SPAG16: variants seen among roughly 807,000 people sequenced by gnomAD.
SPAG16 encodes the protein sperm-associated antigen 16 protein.
Under a neutral mutation model 80.4 loss-of-function variants are expected in SPAG16, and 86 were observed. That is an observed-to-expected ratio of 1.07 (90% CI 0.90 to 1.28). SPAG16 has a LOEUF of 1.28. Among genes scored for constraint, SPAG16 ranks in the 50% most tolerant of loss-of-function variants. The pLI is 0.00. For synonymous variants in SPAG16, 294 were observed against 265.9 expected, an observed-to-expected ratio of 1.11 and a Z score of -1.03; for missense variants, 870 against 765.3, an observed-to-expected ratio of 1.14 and a Z score of -1.61.
intron 15 of SPAG16, among the ~76,000 whole-genome samples, chr2:214,252,299 A>T (rs1450859938): frequency 1.3e-5 from 2 of 151,526 alleles, no homozygotes; most frequent in South Asian, 4.2e-4. Flanking sequence ...TTTTATTTTA[A>T]TTTTTTATTA....
chr2:214,258,490 T>TATATATATATAC (rs771803590), intron 15 of SPAG16, among the ~76,000 whole-genome samples: 4 of 147,392 alleles, frequency 2.7e-5, no homozygotes, highest in Non-Finnish European at 6.0e-5. Context: ...TATATATATA[T>TATATATATATAC]ACACACACAC....
chr2:214,288,797 C>T (rs1693577829), intron 15 of SPAG16, among the ~76,000 whole-genome samples: 1 of 36,076 alleles, frequency 2.8e-5, no homozygotes, highest in Admixed American at 2.8e-4. Context: ...GAGACGTTGT[C>T]TCGCTCTGTC....
At chr2:213,928,122 G>A (rs2078572762) in intron 11 of SPAG16, among the ~76,000 whole-genome samples, 1 of 152,054 alleles carries the variant, frequency 6.6e-6, no homozygotes, top group South Asian at 2.1e-4. Flanking sequence ...TGGAGTCGCA[G>A]TCCCCCAGGC....
In SPAG16 at chr2:214,151,152, T is replaced by A. The variant is rs143026872; in HGVS notation, c.1720+1886T>A. On this transcript the variant is annotated intron_variant, in intron 15 of 15. Transcript: ENST00000331683. ...TAGTTCCATGTGTGTGAGAAATTACTGTCATAAGGATTTTCTCATTGAATA... is the reference window on the plus strand; with the variant it reads ...TAGTTCCATGTGTGTGAGAAATTACAGTCATAAGGATTTTCTCATTGAATA... Among the ~76,000 whole-genome samples, 481 of 152,252 alleles carry A rather than the reference T, an allele frequency of 3.2e-3. 2 individuals are homozygous for A. Among genetic ancestry groups the A allele is most frequent in the African/African-American group, 0.011 (451 of 41,580 alleles).
At chr2:214,143,027 A>G (rs2055441565) in intron 14 of SPAG16, among the ~76,000 whole-genome samples, 1 of 152,056 alleles carries the variant, frequency 6.6e-6, no homozygotes, top group South Asian at 2.1e-4. Context: ...CAAACTCTTC[A>G]AGGCCTCATA....
At chr2:213,698,251 A>T (rs2065245458) in intron 10 of SPAG16, among the ~76,000 whole-genome samples, 1 of 151,822 alleles carries the variant, frequency 6.6e-6, no homozygotes, top group Non-Finnish European at 1.5e-5. Context: ...TTTTAAATTT[A>T]TTATTATTAT....
At chr2:214,145,677 T>C (rs1425475384) in intron 14 of SPAG16, among the ~76,000 whole-genome samples, 1 of 152,210 alleles carries the variant, frequency 6.6e-6, no homozygotes, top group Non-Finnish European at 1.5e-5. Context: ...TCATCTCAGC[T>C]GTACCCTTTG....
intron 15 of SPAG16, among the ~76,000 whole-genome samples, chr2:214,362,937 T>C (rs1699270333): frequency 6.6e-6 from 1 of 151,896 alleles, no homozygotes; most frequent in Non-Finnish European, 1.5e-5. Flanking sequence ...TTTTGTCATT[T>C]CCATCTCTAA....
intron 15 of SPAG16, among the ~76,000 whole-genome samples, chr2:214,209,333 A>T (rs1233092512): frequency 6.6e-6 from 1 of 152,144 alleles, no homozygotes; most frequent in Non-Finnish European, 1.5e-5. Context: ...GAGAAATGGG[A>T]ATTTTGCTTG....
chr2:214,304,204 G>A (rs1190861769), intron 15 of SPAG16, among the ~76,000 whole-genome samples: 1 of 152,138 alleles, frequency 6.6e-6, no homozygotes, highest in African/African-American at 2.4e-5. Context: ...CTTTGTTATT[G>A]TTGGGAACAG....
At chr2:213,743,061 G>A (rs1202496393) in intron 10 of SPAG16, among the ~76,000 whole-genome samples, 3 of 148,578 alleles carry the variant, frequency 2.0e-5, no homozygotes, top group Non-Finnish European at 3.0e-5. Flanking sequence ...CCGCCACCAC[G>A]CCCGGCTAAT....
chr2:213,625,441 G>A (rs1359021261), intron 10 of SPAG16, among the ~76,000 whole-genome samples: 1 of 151,850 alleles, frequency 6.6e-6, no homozygotes, highest in Non-Finnish European at 1.5e-5. Flanking sequence ...TACCGACTAT[G>A]TACCCACAAC....
At chr2:213,732,796 A>G (rs1200782339) in intron 10 of SPAG16, among the ~76,000 whole-genome samples, 1 of 152,092 alleles carries the variant, frequency 6.6e-6, no homozygotes, top group Non-Finnish European at 1.5e-5. Context: ...ACTTAGGTTG[A>G]GTTCATGTCT....
chr2:214,028,773 G>T (rs1172878097), intron 13 of SPAG16, among the ~76,000 whole-genome samples: 1 of 151,952 alleles, frequency 6.6e-6, no homozygotes, highest in African/African-American at 2.4e-5. Flanking sequence ...GTATGTATGT[G>T]TGTATATATT....
chr2:213,592,182 T>C (rs1224746627), intron 10 of SPAG16, among the ~76,000 whole-genome samples: 2 of 152,190 alleles, frequency 1.3e-5, no homozygotes, highest in African/African-American at 4.8e-5. Flanking sequence ...AGCAGAACTA[T>C]AACAGAAAAA....
At chr2:213,678,441 C>T (rs961193020) in intron 10 of SPAG16, among the ~76,000 whole-genome samples, 1 of 152,224 alleles carries the variant, frequency 6.6e-6, no homozygotes, top group Non-Finnish European at 1.5e-5. Context: ...GGGGATATCA[C>T]CACCGATCCC....
chr2:214,286,246 T>G (rs1313718411), intron 15 of SPAG16, among the ~76,000 whole-genome samples: 1 of 152,018 alleles, frequency 6.6e-6, no homozygotes, highest in African/African-American at 2.4e-5. Flanking sequence ...GCTCTGGAGA[T>G]CTAACGTACA....
intron 10 of SPAG16, among the ~76,000 whole-genome samples, chr2:213,492,939 T>C (rs2074328060): frequency 1.3e-5 from 2 of 152,174 alleles, no homozygotes; most frequent in Non-Finnish European, 2.9e-5. Flanking sequence ...ATAAGGCAGT[T>C]ATTATTTTTC....
intron 10 of SPAG16, among the ~76,000 whole-genome samples, chr2:213,749,216 T>C (rs550784391): frequency 1.3e-5 from 2 of 152,206 alleles, no homozygotes; most frequent in African/African-American, 4.8e-5. Context: ...CTCCCACTTA[T>C]TTTCTACTTT....
Sources: allele counts gnomAD v4.1 joint callset (sites outside exome capture counted in the v4.1 genomes callset), GRCh38; gene constraint gnomAD v4.1.1; transcripts MANE v1.5; gene names NCBI Gene and HGNC (gene_info 2026-07-23, HGNC 2026-07-21).